BOLL: variants seen among roughly 807,000 people sequenced by gnomAD.
The protein encoded by BOLL is boule RNA binding protein.
Under a neutral mutation model 44.4 loss-of-function variants are expected in BOLL, and 23 were observed. That is an observed-to-expected ratio of 0.52 (90% confidence interval 0.37 to 0.73). The LOEUF is 0.73. BOLL is among the 30% of genes least tolerant of loss of function. The probability of loss-of-function intolerance (pLI) is 0.00; values close to 1 mark genes in which losing one functional copy is unlikely to be tolerated. For missense variants in BOLL, 287 were observed against 338.3 expected, an observed-to-expected ratio of 0.85 and a Z score of 1.19; for synonymous variants, 97 against 110.8, an observed-to-expected ratio of 0.88 and a Z score of 0.78.
intron 7 of BOLL, among the ~76,000 whole-genome samples, chr2:197,760,857 C>A (rs2106357566): frequency 6.6e-6 from 1 of 152,114 alleles, no homozygotes; most frequent in East Asian, 1.9e-4. Context: ...AGTATCAAGT[C>A]ACAATTAAAG....
intron 10 of BOLL, among the ~76,000 whole-genome samples, chr2:197,738,604 T>C (rs759484259): frequency 6.6e-6 from 1 of 152,244 alleles, no homozygotes; most frequent in Non-Finnish European, 1.5e-5. Flanking sequence ...ATAAGGTTTC[T>C]ATTTTATGGA....
Position 197,756,586 on chromosome 2 carries a change from A to G in BOLL, c.601-30T>C, listed in dbSNP as rs147983402. The G allele has an allele frequency of 8.3e-6, 13 of 1,558,014 alleles. 1 individual carries two copies. The highest frequency in any genetic ancestry group is 1.7e-4 in the Middle Eastern group (1 of 5,898). Reference sequence around the variant, plus strand: ...AATACAAAACCATATTTCTAATTCAAATATGATTAGTTATTTCTGTTAAAC... The same window carrying G: ...AATACAAAACCATATTTCTAATTCAGATATGATTAGTTATTTCTGTTAAAC... On this transcript the variant is annotated intron_variant, in intron 8 of 10. Transcript: ENST00000392296.
chr2:197,766,250 A>G (rs1051927792), intron 7 of BOLL, among the ~76,000 whole-genome samples: 9 of 152,168 alleles, frequency 5.9e-5, no homozygotes, highest in African/African-American at 1.9e-4. Context: ...AGGAATCTCC[A>G]TACTGCTTTC....
chr2:197,782,249 C>T (rs1174624388), intron 1 of BOLL, among the ~76,000 whole-genome samples: 1 of 152,184 alleles, frequency 6.6e-6, no homozygotes. Flanking sequence ...CTGGCACTCA[C>T]AGCTAGGCTG....
chr2:197,759,402 G>A (rs1456696705), intron 7 of BOLL, among the ~76,000 whole-genome samples: 1 of 152,118 alleles, frequency 6.6e-6, no homozygotes, highest in African/African-American at 2.4e-5. Flanking sequence ...AAGAGCTGCT[G>A]GGAATTCGTG....
intron 6 of BOLL, among the ~76,000 whole-genome samples, chr2:197,768,412 G>A (rs1689092308): frequency 6.6e-6 from 1 of 151,778 alleles, no homozygotes; most frequent in South Asian, 2.1e-4. Context: ...AAAGACATAA[G>A]GATAGATGAG....
At chr2:197,773,144 C>G (rs959280177) in intron 5 of BOLL, among the ~76,000 whole-genome samples, 16 of 151,668 alleles carry the variant, frequency 1.1e-4, no homozygotes, top group African/African-American at 3.6e-4. Context: ...AATCAGGGAC[C>G]TTTTCCTCAG....
intron 8 of BOLL, 128 bp from the exon 9 acceptor site, chr2:197,756,684 A>C (rs1485618973): frequency 3.8e-6 from 3 of 796,490 alleles, no homozygotes; most frequent in Non-Finnish European, 5.5e-6. Context: ...GGAATAGCAC[A>C]GAAGTATCTC....
At chr2:197,751,336 C>A (rs1356247462) in intron 9 of BOLL, among the ~76,000 whole-genome samples, 2 of 151,536 alleles carry the variant, frequency 1.3e-5, no homozygotes, top group South Asian at 2.1e-4. Flanking sequence ...AAAAACCCTT[C>A]AAAAAAAATC....
At chr2:197,784,626 C>T in intron 1 of BOLL, 1 of 723,448 alleles carries the variant, frequency 1.4e-6, no homozygotes, top group Non-Finnish European at 1.7e-6. Context: ...GATGGGTTTT[C>T]ACCATTTTGG....
chr2:197,773,972 C>A (rs550205934), intron 5 of BOLL: 2 of 433,808 alleles, frequency 4.6e-6, no homozygotes, highest in African/African-American at 2.1e-5. Context: ...AGATAAGAAT[C>A]CCTTATTTGT....
chr2:197,747,665 A>G (rs1415988921), intron 9 of BOLL, among the ~76,000 whole-genome samples: 1 of 151,814 alleles, frequency 6.6e-6, no homozygotes, highest in Non-Finnish European at 1.5e-5. Flanking sequence ...AGTAAATCTT[A>G]AGATCCAACT....
At chr2:197,768,270 A>C (rs570167588) in intron 6 of BOLL, among the ~76,000 whole-genome samples, 9 of 152,160 alleles carry the variant, frequency 5.9e-5, no homozygotes, top group Non-Finnish European at 1.0e-4. Context: ...ATGTTCATGG[A>C]TAGGAAGATT....
chr2:197,781,129 C>T (rs893087637), intron 2 of BOLL, among the ~76,000 whole-genome samples: 1 of 151,972 alleles, frequency 6.6e-6, no homozygotes, highest in Non-Finnish European at 1.5e-5. Flanking sequence ...AGGTACTAAG[C>T]CTAGTACCGA....
chr2:197,731,453 A>C (rs562690994), intron 10 of BOLL, among the ~76,000 whole-genome samples: 2 of 146,018 alleles, frequency 1.4e-5, no homozygotes, highest in South Asian at 4.6e-4. Context: ...TCAGCTCTGC[A>C]CCAAGCAGAC....
At chr2:197,779,185 A>G (rs1689654944) in intron 2 of BOLL, 119 bp from the exon 3 acceptor site, 3 of 695,732 alleles carry the variant, frequency 4.3e-6, no homozygotes, top group Non-Finnish European at 7.1e-6. Context: ...AATGCCTCTC[A>G]TCATCAAAAC....
chr2:197,782,384 C>T (rs1851779), intron 1 of BOLL, among the ~76,000 whole-genome samples: 29,418 of 152,106 alleles, frequency 0.19, 2,901 homozygotes, highest in East Asian at 0.27. Context: ...AAAGGCATTG[C>T]CCAAACCACA....
At position 197,748,388 on chromosome 2, in the gene BOLL, A is replaced by C. The variant is rs188734340; in HGVS notation, c.730-5229T>G. Among the ~76,000 whole-genome samples, 371 of 152,202 alleles carry C rather than the reference A, an allele frequency of 2.4e-3. 1 individual carries two copies. The highest frequency in any genetic ancestry group is 3.9e-3 in the Non-Finnish European group (265 of 67,986). ...CCTGGAACTCCAGAGAGACAGAACC[A>C]TTCACTCTCCTGGAAAGGGAGCTGA... On this transcript the variant is annotated intron_variant, in intron 9 of 10. Coordinates refer to ENST00000392296, the MANE Select transcript of BOLL (RefSeq NM_033030.6).
intron 9 of BOLL, among the ~76,000 whole-genome samples, chr2:197,747,171 C>T (rs548760804): frequency 2.0e-5 from 3 of 152,044 alleles, no homozygotes; most frequent in Non-Finnish European, 4.4e-5. Context: ...TTGGGGTAAT[C>T]ATTTCACAGT....
Sources: allele counts gnomAD v4.1 joint callset (sites outside exome capture counted in the v4.1 genomes callset), GRCh38; gene constraint gnomAD v4.1.1; transcripts MANE v1.5; gene names NCBI Gene and HGNC (gene_info 2026-07-23, HGNC 2026-07-21).